Variants in TMEM176A observed in about 807,000 individuals in gnomAD.
TMEM176A encodes hepatocellular carcinoma-associated antigen 112.
Under a neutral mutation model 27.9 loss-of-function variants are expected in TMEM176A, and 20 were observed. That is an observed-to-expected ratio of 0.72 (90% CI 0.50 to 1.04). The LOEUF (loss-of-function observed/expected upper bound fraction) is 1.04. Ranked by LOEUF, TMEM176A falls within the 50% of genes least tolerant of loss-of-function variation. The pLI, the probability that TMEM176A is intolerant of heterozygous loss-of-function variation, is 0.00. For missense variants in TMEM176A, 252 were observed against 289.1 expected (o/e 0.87, Z 0.93); for synonymous variants, 125 against 118.0 (o/e 1.06, Z -0.38).
chr7:150,802,701 A>T, intron 3 of TMEM176A: 1 of 1,051,222 alleles, frequency 9.5e-7, no homozygotes, highest in Non-Finnish European at 1.1e-6. Flanking sequence ...GGTTATTCTC[A>T]TTGTCCTCCA....
chr7:150,802,835 A>G (rs1467404107), intron 3 of TMEM176A: 3 of 988,628 alleles, frequency 3.0e-6, no homozygotes, highest in Non-Finnish European at 3.6e-6. Context: ...AAACACTCAT[A>G]TTTACTGACA....
intron 3 of TMEM176A, chr7:150,802,712 C>T: frequency 9.6e-7 from 1 of 1,046,026 alleles, no homozygotes; most frequent in Non-Finnish European, 1.2e-6. Flanking sequence ...TTGTCCTCCA[C>T]AGGCCCTGTA....
In TMEM176A at chr7:150,804,976, CA is replaced by C; in HGVS notation, c.*109del. 8.2e-7 allele frequency: 1 copy of C among 1,214,780 alleles called. No homozygotes were observed. The highest frequency in any genetic ancestry group is 1.2e-6 in the Non-Finnish European group (1 of 822,456). The allele number at this position is 1,214,780 out of a possible 1,614,324, so 75.3% of individuals were successfully genotyped here. A position where few individuals can be genotyped will look rare whatever the true frequency, so the allele number is the denominator to read the frequency against. On this transcript the variant is annotated 3_prime_UTR_variant, in exon 7 of 7. Coordinates refer to ENST00000004103, the MANE Select transcript of TMEM176A (RefSeq NM_018487.3). ...AGGAAAAGAGGCTCTTCAACAGCCCCAGTTATCCTGGCCCCATGACCGTGGC... is the reference window on the plus strand; with the variant it reads ...AGGAAAAGAGGCTCTTCAACAGCCCCGTTATCCTGGCCCCATGACCGTGGC...
At chr7:150,804,555 G>T in intron 6 of TMEM176A, 83 bp downstream of exon 6, 1 of 1,232,924 alleles carries the variant, frequency 8.1e-7, no homozygotes. Flanking sequence ...GACAGTTTGG[G>T]GAGGAGAAAG....
Position 150,804,945 on chromosome 7 carries a change from A to G in TMEM176A, c.*77A>G. ...GCATCTGACTGCTGGAAGAAGAACC[A>G]GACTGAGGAAAAGAGGCTCTTCAAC... On this transcript the variant is annotated 3_prime_UTR_variant, in exon 7 of 7. Coordinates refer to ENST00000004103, the MANE Select transcript of TMEM176A (RefSeq NM_018487.3). The G allele has an allele frequency of 6.6e-7, 1 of 1,510,400 alleles. No homozygotes were observed. The highest frequency in any genetic ancestry group is 9.2e-7 in the Non-Finnish European group (1 of 1,086,166). The allele number at this position is 1,510,400 out of a possible 1,614,324, so 93.6% of individuals were successfully genotyped here.
At chr7:150,803,217 C>T in intron 3 of TMEM176A, 183 bp from the exon 4 acceptor site, 1 of 1,337,454 alleles carries the variant, frequency 7.5e-7, no homozygotes, top group Non-Finnish European at 9.6e-7. Context: ...GGGCCTTTTG[C>T]AGCCTCAGGA....
intron 4 of TMEM176A, 65 bp from the exon 5 acceptor site, chr7:150,803,555 T>TC (rs1798861536): frequency 2.1e-5 from 34 of 1,593,348 alleles, no homozygotes; most frequent in Admixed American, 1.9e-4. Context: ...TGCCCTTTTT[T>TC]CCCCCGACTG....
Position 150,804,423 on chromosome 7 carries a change from C to G in TMEM176A, c.617C>G (p.Ser206Cys), listed in dbSNP as rs537874731. 1.2e-6 allele frequency: 2 copies of G among 1,614,086 alleles called. No homozygotes were observed. Among genetic ancestry groups the G allele is most frequent in the Non-Finnish European group, 1.7e-6 (2 of 1,180,030 alleles). ...GTCTGGATTCTGCTGCTTCTGGCAT[C>G]TCTGACCCCTCTGTGGCTGTACTGC... ...LGVWILLLLA[S>C]LTPLWLYCWR... Residue 206 changes from serine (S) to cysteine (C), a missense_variant, in exon 6 of 7, where the codon TCT (serine) becomes TGT (cysteine). Physicochemically the swap from Ser to Cys is moderately radical, Grantham distance 112 (BLOSUM62 -1). Coordinates refer to ENST00000004103, the MANE Select transcript of TMEM176A (RefSeq NM_018487.3).
chr7:150,804,584 C>T (rs1798884463), intron 6 of TMEM176A, 112 bp downstream of exon 6: 5 of 1,003,314 alleles, frequency 5.0e-6, no homozygotes, highest in Non-Finnish European at 7.6e-6. Flanking sequence ...GACCCAAGTC[C>T]CACCTATTAT....
Position 150,802,153 on chromosome 7 carries a change from G to A in TMEM176A, c.175-62G>A, listed in dbSNP as rs1249556899. 2.0e-5 allele frequency: 27 copies of A among 1,340,050 alleles called. No individual in the cohort carries two copies. Among genetic ancestry groups the A allele is most frequent in the South Asian group, 4.7e-5 (4 of 85,264 alleles). 83.0% of individuals were successfully genotyped at this position (1,340,050 alleles called of 1,614,324 possible). On this transcript the variant is annotated intron_variant, in intron 2 of 6. Transcript: ENST00000004103. ...CTCCCTCTCTTTTTGGGGTTTTAGC[G>A]GTTAATCCCTGCAGTGGCAGGTCCA...
At chr7:150,801,942 C>T (rs1270939386) in intron 2 of TMEM176A, 1 of 626,014 alleles carries the variant, frequency 1.6e-6, no homozygotes, top group Admixed American at 3.0e-5. Context: ...GAGTCCCAAT[C>T]AGTGGAGCCC....
chr7:150,801,879 TG>T (rs1354415489), intron 2 of TMEM176A, 155 bp downstream of exon 2: 11 of 834,928 alleles, frequency 1.3e-5, no homozygotes, highest in Admixed American at 5.9e-5. Context: ...AGTAAGAGCC[TG>T]GGGAGGGGAG....
Position 150,804,391 on chromosome 7 carries a change from C to G in TMEM176A, c.585C>G (p.Leu195=). 6.2e-7 allele frequency: 1 copy of G among 1,614,194 alleles called. No individual in the cohort carries two copies. Among genetic ancestry groups the G allele is most frequent in the Non-Finnish European group, 8.5e-7 (1 of 1,180,016 alleles). The part of the protein sequence containing the change: ...KALFRTLQAM[L]LGVWILLLLA... The stretch of plus-strand genomic sequence containing the variant: ...TGTTCAGAACCCTTCAGGCCATGCT[C>G]TTGGGTGTCTGGATTCTGCTGCTTC... Residue 195 remains leucine, a synonymous_variant, in exon 6 of 7, where the codon CTC becomes CTG. Coordinates refer to ENST00000004103, the MANE Select transcript of TMEM176A (RefSeq NM_018487.3).
At position 150,801,517 on chromosome 7, in the gene TMEM176A, G is replaced by A. The variant is rs1321960658; in HGVS notation, c.-15-19G>A. 6 of 1,555,804 alleles carry A rather than the reference G, an allele frequency of 3.9e-6. No homozygotes were observed. The highest frequency in any genetic ancestry group is 5.2e-6 in the Non-Finnish European group (6 of 1,155,992). ...AATCTTCTGACAGCCGTTCCTCTCT[G>A]GTGCTCCCTTCCTCATAGACTGTGT... On this transcript the variant is annotated intron_variant, in intron 1 of 6. Coordinates refer to ENST00000004103, the MANE Select transcript of TMEM176A (RefSeq NM_018487.3).
At chr7:150,804,229 T>C (rs1798874576) in intron 5 of TMEM176A, 133 bp from the exon 6 acceptor site, 3 of 683,754 alleles carry the variant, frequency 4.4e-6, no homozygotes, top group African/African-American at 1.8e-5. Context: ...TTGAATGCAT[T>C]GACTTCCCCT....
intron 4 of TMEM176A, 73 bp from the exon 5 acceptor site, chr7:150,803,541 GCCTTGC>G: frequency 6.3e-7 from 1 of 1,587,990 alleles, no homozygotes; most frequent in Non-Finnish European, 8.6e-7. Context: ...GCTTCTCTGG[GCCTTGC>G]CCTTTTTTCC....
intron 6 of TMEM176A, 24 bp downstream of exon 6, chr7:150,804,496 G>C: frequency 6.3e-7 from 1 of 1,589,046 alleles, no homozygotes; most frequent in Non-Finnish European, 8.6e-7. Flanking sequence ...GTGTGTGCCT[G>C]TGTATTTGGG....
At chr7:150,801,436 G>C in intron 1 of TMEM176A, 100 bp from the exon 2 acceptor site, 1 of 1,242,674 alleles carries the variant, frequency 8.0e-7, no homozygotes, top group African/African-American at 1.5e-5. Flanking sequence ...CATTCATTGG[G>C]TGACTTTGAG....
chr7:150,802,296 T>A lies in TMEM176A; in HGVS notation c.256T>A (p.Ser86Thr). Reference protein sequence around the residue: ...YIRDYTLLVTSGAAIWTGAVA... With the variant: ...YIRDYTLLVTTGAAIWTGAVA... ...CCGCGACTACACCCTCCTCGTCACC[T>A]CGGGAGCTGCCATCTGGACAGGGGC... The change falls in exon 3 of 7, where the codon TCG (serine) becomes ACG (threonine). Residue 86 changes from serine to threonine, a missense_variant. Physicochemically the swap from Ser to Thr is moderately conservative, Grantham distance 58. Transcript: ENST00000004103. 1 of 1,614,084 alleles carries A rather than the reference T, an allele frequency of 6.2e-7. No homozygotes were observed. Among genetic ancestry groups the A allele is most frequent in the South Asian group, 1.1e-5 (1 of 91,064 alleles).
Sources: gnomAD v4.1 joint callset for allele counts on GRCh38, gnomAD v4.1.1 for gene constraint, MANE v1.5 for transcripts, NCBI Gene and HGNC (gene_info 2026-07-23, HGNC 2026-07-21) for gene names.